Variants in RUVBL1 observed in about 807,000 individuals in gnomAD.
RUVBL1 encodes RuvB like AAA ATPase 1.
RUVBL1 carries 4 observed loss-of-function variants against 52.4 expected under a neutral mutation model. That is an observed-to-expected ratio of 0.08 (90% CI 0.04 to 0.17). The LOEUF is 0.17. Among genes scored for constraint, RUVBL1 ranks in the 10% least tolerant of loss-of-function variants. RUVBL1 has a pLI of 1.00. For missense variants in RUVBL1, 298 were observed against 572.8 expected, an observed-to-expected ratio of 0.52 and a Z score of 4.90; for synonymous variants, 217 against 214.4, an observed-to-expected ratio of 1.01 and a Z score of -0.10.
At chr3:128,066,453 C>T (rs940152654) in intron 9 of RUVBL1, among the ~76,000 whole-genome samples, 1 of 151,996 alleles carries the variant, frequency 6.6e-6, no homozygotes, top group African/African-American at 2.4e-5. Flanking sequence ...GACAGGGTCT[C>T]GTTGTGTTGC....
chr3:128,119,283 G>A, intron 2 of RUVBL1, 45 bp downstream of exon 2: 1 of 1,489,896 alleles, frequency 6.7e-7, no homozygotes, highest in Non-Finnish European at 9.3e-7. Flanking sequence ...TAGACACTAG[G>A]ATCATTCTCC....
intron 9 of RUVBL1, among the ~76,000 whole-genome samples, chr3:128,085,395 C>A (rs1466678937): frequency 6.6e-6 from 1 of 152,200 alleles, no homozygotes; most frequent in African/African-American, 2.4e-5. Flanking sequence ...TTGGACCCAA[C>A]AGTAAGGTGC....
intron 1 of RUVBL1, among the ~76,000 whole-genome samples, chr3:128,144,452 C>G (rs565274508): frequency 2.6e-5 from 4 of 152,192 alleles, no homozygotes; most frequent in Non-Finnish European, 5.9e-5. Context: ...CCCAAATAAT[C>G]GCAGTTCTGC....
chr3:128,118,939 G>A lies in RUVBL1; in HGVS notation c.228+389C>T, dbSNP rs375045063. ...TCATCTCCCACACAGCCACAATAGC[G>A]ATGCGTAAAGCTAGCATTTGGAAGA... On this transcript the variant is annotated intron_variant, in intron 2 of 10. Coordinates refer to ENST00000322623, the MANE Select transcript of RUVBL1 (RefSeq NM_003707.3). Among the ~76,000 whole-genome samples the A allele has an allele frequency of 6.4e-4, 98 of 152,194 alleles. 2 individuals carry two copies. The South Asian group carries it at 0.019, about 29-fold the overall frequency.
chr3:128,100,859 T>C (rs1046098136), intron 5 of RUVBL1, 115 bp from the exon 6 acceptor site: 5 of 1,206,096 alleles, frequency 4.1e-6, no homozygotes, highest in Admixed American at 2.4e-5. Context: ...GACAGCCTAC[T>C]TGACAAACTC....
intron 1 of RUVBL1, among the ~76,000 whole-genome samples, chr3:128,145,645 C>G (rs1944092822): frequency 6.6e-6 from 1 of 151,938 alleles, no homozygotes; most frequent in African/African-American, 2.4e-5. Context: ...AGGAGCATGG[C>G]AGGGTGAGCT....
At chr3:128,132,456 C>T (rs1470903950) in intron 1 of RUVBL1, among the ~76,000 whole-genome samples, 4 of 152,118 alleles carry the variant, frequency 2.6e-5, no homozygotes, top group Admixed American at 6.5e-5. Flanking sequence ...AGCCAGGCAG[C>T]GCAGCTTGCA....
intron 1 of RUVBL1, among the ~76,000 whole-genome samples, chr3:128,150,780 CTA>C (rs1268426430): frequency 1.1e-5 from 1 of 90,730 alleles, no homozygotes; most frequent in Admixed American, 1.6e-4. Context: ...ATTATATATT[CTA>C]TATATATTCT....
intron 1 of RUVBL1, among the ~76,000 whole-genome samples, chr3:128,132,147 C>T (rs1263547455): frequency 6.6e-6 from 1 of 152,152 alleles, no homozygotes; most frequent in East Asian, 1.9e-4. Flanking sequence ...CAGCAGAAAG[C>T]AACACAAGGC....
At chr3:128,148,393 T>A (rs1944135460) in intron 1 of RUVBL1, among the ~76,000 whole-genome samples, 1 of 152,150 alleles carries the variant, frequency 6.6e-6, no homozygotes, top group African/African-American at 2.4e-5. Flanking sequence ...ACTGAGCCAG[T>A]TTGCTGCTTA....
At chr3:128,150,247 C>T (rs1346274146) in intron 1 of RUVBL1, among the ~76,000 whole-genome samples, 1 of 152,136 alleles carries the variant, frequency 6.6e-6, no homozygotes, top group Non-Finnish European at 1.5e-5. Flanking sequence ...GTCTGCCACA[C>T]AGCAGGTGTT....
chr3:128,104,899 T>C lies in RUVBL1; in HGVS notation c.387A>G (p.Glu129=). Residue 129 remains glutamate (E), a synonymous_variant, in exon 4 of 11, where the codon GAA becomes GAG. Coordinates refer to ENST00000322623, the MANE Select transcript of RUVBL1 (RefSeq NM_003707.3). ...AIGLRIKETK[E]VYEGEVTELT... is the part of the protein sequence containing the mutation. Reference sequence around the variant, plus strand: ...GCTCTGTGACTTCACCTTCATAAACTTCCTTGGTCTCCTTTATTCGCAGCC... The same window carrying C: ...GCTCTGTGACTTCACCTTCATAAACCTCCTTGGTCTCCTTTATTCGCAGCC... 4 of 1,610,386 alleles carry C rather than the reference T, an allele frequency of 2.5e-6. No individual in the cohort carries two copies. The highest frequency in any genetic ancestry group is 1.1e-5 in the South Asian group (1 of 90,962).
At chr3:128,127,871 C>G (rs1011766610), upstream of RUVBL1, among the ~76,000 whole-genome samples, 5 of 152,158 alleles carry the variant, frequency 3.3e-5, no homozygotes, top group Non-Finnish European at 7.3e-5. Flanking sequence ...GCAGCACACA[C>G]CTGTAGTCCC....
chr3:128,131,675 CA>C (rs1230978475), intron 1 of RUVBL1, among the ~76,000 whole-genome samples: 3 of 152,110 alleles, frequency 2.0e-5, no homozygotes, highest in Non-Finnish European at 2.9e-5. Context: ...GGTGGTTTAA[CA>C]TACAAAAATC....
At chr3:128,150,890 T>A (rs1413058560) in intron 1 of RUVBL1, among the ~76,000 whole-genome samples, 1 of 69,700 alleles carries the variant, frequency 1.4e-5, no homozygotes, top group Non-Finnish European at 2.4e-5. Context: ...TATATATATA[T>A]TCTATATATA....
chr3:128,119,429 G>A lies in RUVBL1; in HGVS notation c.142-15C>T. 1 of 1,591,868 alleles carries A rather than the reference G, an allele frequency of 6.3e-7. No homozygotes were observed. The highest frequency in any genetic ancestry group is 1.1e-5 in the South Asian group (1 of 89,462). ...ACGCCACATGCCTACACACCACAATGGAAAGAAATAATAAATCAATATTAA... is the reference window on the plus strand; with the variant it reads ...ACGCCACATGCCTACACACCACAATAGAAAGAAATAATAAATCAATATTAA... On this transcript the variant is annotated splice_polypyrimidine_tract_variant and intron_variant, in intron 1 of 10. Transcript: ENST00000322623.
chr3:128,148,044 C>A (rs1034473229), intron 1 of RUVBL1, among the ~76,000 whole-genome samples: 3 of 152,038 alleles, frequency 2.0e-5, no homozygotes, highest in Non-Finnish European at 4.4e-5. Context: ...CTGGAAAAGG[C>A]AAAGCCTGTA....
intron 2 of RUVBL1, among the ~76,000 whole-genome samples, chr3:128,116,315 T>C (rs1943520964): frequency 6.6e-6 from 1 of 151,968 alleles, no homozygotes; most frequent in African/African-American, 2.4e-5. Context: ...CCAAGGCAGG[T>C]GGATCACCTA....
chr3:128,073,347 C>G (rs1444315795), intron 9 of RUVBL1, among the ~76,000 whole-genome samples: 1 of 152,188 alleles, frequency 6.6e-6, no homozygotes, highest in Non-Finnish European at 1.5e-5. Flanking sequence ...CTACCCCATA[C>G]CCCGCCCCCA....
Sources: allele counts gnomAD v4.1 joint callset (sites outside exome capture counted in the v4.1 genomes callset), GRCh38; gene constraint gnomAD v4.1.1; transcripts MANE v1.5; gene names NCBI Gene and HGNC (gene_info 2026-07-23, HGNC 2026-07-21).